Variants in ST6GALNAC2 observed in about 807,000 individuals in gnomAD.
The protein encoded by ST6GALNAC2 is ST6 N-acetylgalactosaminide alpha-2,6-sialyltransferase 2.
A neutral mutation model predicts 38.7 loss-of-function variants in ST6GALNAC2; 42 were observed. That is an observed-to-expected ratio of 1.09 (90% CI 0.85 to 1.40). The LOEUF (loss-of-function observed/expected upper bound fraction) is 1.40, where lower values mean the gene tolerates loss of function less well. ST6GALNAC2 is among the 40% of genes most tolerant of loss of function. The probability of loss-of-function intolerance (pLI) is 0.00; values close to 1 mark genes in which losing one functional copy is unlikely to be tolerated. For synonymous variants in ST6GALNAC2, 233 were observed against 209.0 expected (o/e 1.11, Z -0.99); for missense variants, 506 against 481.7 (o/e 1.05, Z -0.47).
At chr17:76,572,916 G>A (rs2075369512) in intron 4 of ST6GALNAC2, 141 bp from the exon 5 acceptor site, 15 of 1,093,862 alleles carry the variant, frequency 1.4e-5, no homozygotes, top group Non-Finnish European at 1.7e-5. Flanking sequence ...GTGCCCAGTT[G>A]TCAACCAGAC....
intron 7 of ST6GALNAC2, 121 bp from the exon 8 acceptor site, chr17:76,567,673 C>T: frequency 1.6e-6 from 1 of 614,114 alleles, no homozygotes; most frequent in Non-Finnish European, 3.0e-6. Flanking sequence ...CCAGTCAGTT[C>T]TTTATTCGGT....
chr17:76,568,695 A>G lies in ST6GALNAC2; in HGVS notation c.857+18T>C. 6.2e-7 allele frequency: 1 copy of G among 1,613,186 alleles called. No homozygotes were observed. Among genetic ancestry groups the G allele is most frequent in the Middle Eastern group, 1.7e-4 (1 of 6,060 alleles). ...GGGAAGGAAGGGGACGCTGTTCTTC[A>G]GGCACCCCACTCCGTACCTTTCTGT... On this transcript the variant is annotated intron_variant, in intron 7 of 8. Transcript: ENST00000225276.
intron 8 of ST6GALNAC2, among the ~76,000 whole-genome samples, chr17:76,566,524 C>T (rs2075285223): frequency 6.6e-6 from 1 of 152,010 alleles, no homozygotes; most frequent in Admixed American, 6.6e-5. Context: ...ACTACTCTCT[C>T]CATCCTAACT....
Position 76,585,704 on chromosome 17 carries a change from C to A in ST6GALNAC2, c.105G>T (p.Pro35=). The change falls in exon 1 of 9, where the codon CCG becomes CCT. Residue 35 remains proline, a synonymous_variant. Coordinates refer to ENST00000225276, the MANE Select transcript of ST6GALNAC2 (RefSeq NM_006456.3). ...CCTACCTGGCTCCGGCCGCTGGCCC[C>A]GGGTACCGCTGCACCGCCGAGAAGT... ...ALYFSAVQRY[P]GPAAGARDTT... is the part of the protein sequence containing the mutation. 2 of 1,529,656 alleles carry A rather than the reference C, an allele frequency of 1.3e-6. No individual in the cohort carries two copies. The highest frequency in any genetic ancestry group is 8.8e-7 in the Non-Finnish European group (1 of 1,141,892). 94.8% of individuals were successfully genotyped at this position (1,529,656 alleles called of 1,614,324 possible). A position where few individuals can be genotyped will look rare whatever the true frequency, so the allele number is the denominator to read the frequency against.
chr17:76,585,774 A>G lies in ST6GALNAC2; in HGVS notation c.35T>C (p.Leu12Pro). 1 of 1,555,268 alleles carries G rather than the reference A, an allele frequency of 6.4e-7. No individual in the cohort carries two copies. Among genetic ancestry groups the G allele is most frequent in the African/African-American group, 1.4e-5 (1 of 72,202 alleles). ...CGAGCAGGCAGCCGTGAGCAGGAGC[A>G]GCAGCCAGAAGAACGACCCGCGCGG... is the stretch of plus-strand genomic sequence containing the variant. ...GLPRGSFFWL[L>P]LLLTAACSGL... Residue 12 changes from leucine to proline, a missense_variant, in exon 1 of 9, where the codon CTG becomes CCG. By Grantham distance (98) the Leu-to-Pro change is moderately conservative (BLOSUM62 -3). Transcript: ENST00000225276.
chr17:76,566,192 A>G lies in ST6GALNAC2; in HGVS notation c.1037T>C (p.Ile346Thr), dbSNP rs962311527. 3 of 1,614,056 alleles carry G rather than the reference A, an allele frequency of 1.9e-6. No homozygotes were observed. Among genetic ancestry groups the G allele is most frequent in the African/African-American group, 2.7e-5 (2 of 74,940 alleles). The change falls in exon 9 of 9, where the codon ATA becomes ACA. Residue 346 changes from isoleucine to threonine, a missense_variant. Physicochemically the swap from Ile to Thr is moderately conservative, Grantham distance 89. Coordinates refer to ENST00000225276, the MANE Select transcript of ST6GALNAC2 (RefSeq NM_006456.3). Reference sequence around the variant, plus strand: ...GGACAGATCGTGGTTTGCATAAAATATCAATGGCTTCATTTTTCGTTCGAA... The same window carrying G: ...GGACAGATCGTGGTTTGCATAAAATGTCAATGGCTTCATTTTTCGTTCGAA... ...HYFERKMKPL[I>T]FYANHDLSLE... is the part of the protein sequence containing the mutation.
chr17:76,568,424 T>TGCTGCTGG, intron 7 of ST6GALNAC2: 1 of 394,956 alleles, frequency 2.5e-6, no homozygotes, highest in Non-Finnish European at 4.7e-6. Context: ...ACTGCTGCTG[T>TGCTGCTGG]GCACCTTATG....
intron 7 of ST6GALNAC2, 128 bp from the exon 8 acceptor site, chr17:76,567,680 C>T (rs1460103326): frequency 1.4e-5 from 9 of 639,952 alleles, no homozygotes; most frequent in African/African-American, 7.3e-5. Flanking sequence ...GTTCTTTATT[C>T]GGTCCAAGTG....
rs532532422 is a variant in ST6GALNAC2, at chr17:76,585,819, C to A, written c.-11G>T. ...GCGCGGGAGCCCCATACAGCCCCGG[C>A]CCGCGAGCGCCCCGTCCGCTGACGT... is the stretch of plus-strand genomic sequence containing the variant. On this transcript the variant is annotated 5_prime_UTR_variant, in exon 1 of 9. Coordinates refer to ENST00000225276, the MANE Select transcript of ST6GALNAC2 (RefSeq NM_006456.3). 1 of 1,531,206 alleles carries A rather than the reference C, an allele frequency of 6.5e-7. No individual in the cohort carries two copies. Among genetic ancestry groups the A allele is most frequent in the Non-Finnish European group, 8.8e-7 (1 of 1,141,784 alleles). 94.9% of individuals were successfully genotyped at this position (1,531,206 alleles called of 1,614,324 possible).
At chr17:76,576,675 C>CA (rs940051303) in intron 2 of ST6GALNAC2, among the ~76,000 whole-genome samples, 12 of 150,308 alleles carry the variant, frequency 8.0e-5, no homozygotes, top group South Asian at 2.1e-4. Flanking sequence ...CAAAACCACT[C>CA]AAAAAAAAAT....
intron 2 of ST6GALNAC2, among the ~76,000 whole-genome samples, chr17:76,576,860 C>T (rs984342988): frequency 7.3e-5 from 11 of 151,296 alleles, no homozygotes; most frequent in African/African-American, 1.2e-4. Flanking sequence ...ATTCCAGCTA[C>T]TTGGGGGGCT....
In ST6GALNAC2 at chr17:76,572,639, G is replaced by A. The variant is rs1205920895; in HGVS notation, c.667C>T (p.Gln223Ter). 4.3e-6 allele frequency: 7 copies of A among 1,613,920 alleles called. No homozygotes were observed. The South Asian group carries it at 7.7e-5, about 18-fold the overall frequency. ...NLGFTSVPQG[Q>*]DLQYIFIPSD... is the part of the protein sequence containing the mutation. The stretch of plus-strand genomic sequence containing the variant: ...GGCATGCCCGCCAGAGGCCTCACCT[G>A]TCCTTGTGGCACGGAGGTGAAGCCC... Residue 223 changes from glutamine (Q) to a stop codon, truncating the protein, a stop_gained and splice_region_variant, in exon 5 of 9, where the codon CAG (glutamine) becomes TAG (stop). Coordinates refer to ENST00000225276, the MANE Select transcript of ST6GALNAC2 (RefSeq NM_006456.3). LOFTEE classifies it high-confidence loss of function.
At chr17:76,582,316 G>A (rs1279895781) in intron 1 of ST6GALNAC2, among the ~76,000 whole-genome samples, 1 of 147,712 alleles carries the variant, frequency 6.8e-6, no homozygotes, top group East Asian at 2.0e-4. Context: ...TGGCTTACAG[G>A]CATGTGTCAC....
rs762978952 is a variant in ST6GALNAC2, at chr17:76,566,231, A to G, written c.998T>C (p.Phe333Ser). Residue 333 changes from phenylalanine (F) to serine (S), a missense_variant, in exon 9 of 9, where the codon TTT (phenylalanine) becomes TCT (serine). Coordinates refer to ENST00000225276, the MANE Select transcript of ST6GALNAC2 (RefSeq NM_006456.3). ...YGFITSNYWKFSDHYFERKMK... is the reference protein window; with the variant it reads ...YGFITSNYWKSSDHYFERKMK... ...TTTTCGTTCGAAATAGTGGTCGGAA[A>G]ATTTCCAGTAGTTGCTTGTGATGAA... is the stretch of plus-strand genomic sequence containing the variant. The G allele has an allele frequency of 1.9e-6, 3 of 1,614,116 alleles. No individual in the cohort carries two copies. The highest frequency in any genetic ancestry group is 1.7e-5 in the Admixed American group (1 of 60,018).
intron 1 of ST6GALNAC2, among the ~76,000 whole-genome samples, chr17:76,583,568 A>G (rs1434384509): frequency 6.6e-6 from 1 of 150,384 alleles, no homozygotes; most frequent in African/African-American, 2.4e-5. Context: ...GAGGCTGGGA[A>G]GTCCAAGGTC....
In ST6GALNAC2 at chr17:76,570,550, G is replaced by T; in HGVS notation, c.773+15C>A. 1 of 1,587,722 alleles carries T rather than the reference G, an allele frequency of 6.3e-7. No individual in the cohort carries two copies. The highest frequency in any genetic ancestry group is 8.6e-7 in the Non-Finnish European group (1 of 1,160,994). The stretch of plus-strand genomic sequence containing the variant: ...CCTCTGCCACGCCCCACACCACCAC[G>T]GCCTGGCTGCTCACCTGTCCCCTTT... On this transcript the variant is annotated intron_variant, in intron 6 of 8. Transcript: ENST00000225276.
rs1422216181 is a variant in ST6GALNAC2, at chr17:76,565,814, A to G, written c.*290T>C. 2 of 313,392 alleles carry G rather than the reference A, an allele frequency of 6.4e-6. No homozygotes were observed. Among genetic ancestry groups the G allele is most frequent in the Non-Finnish European group, 1.2e-5 (2 of 169,032 alleles). 19.4% of individuals were successfully genotyped at this position (313,392 alleles called of 1,614,324 possible). The stretch of plus-strand genomic sequence containing the variant: ...CTGGACTGCTGTCTGATCTTGCTGA[A>G]CACTCCACCGACATTTCCTAAAGTT... On this transcript the variant is annotated 3_prime_UTR_variant, in exon 9 of 9. Transcript: ENST00000225276.
chr17:76,574,240 G>C (rs1485746039), intron 3 of ST6GALNAC2, 125 bp downstream of exon 3: 14 of 1,139,382 alleles, frequency 1.2e-5, no homozygotes, highest in Non-Finnish European at 1.7e-5. Context: ...CTTCTGGGAG[G>C]AGAGAGGGGG....
In ST6GALNAC2 at chr17:76,573,171, C is replaced by T; in HGVS notation, c.530+24G>A. On this transcript the variant is annotated intron_variant, in intron 4 of 8. Coordinates refer to ENST00000225276, the MANE Select transcript of ST6GALNAC2 (RefSeq NM_006456.3). The surrounding 1 kb of genome is among the most constrained non-coding windows in gnomAD (Gnocchi z 5.1). Reference sequence around the variant, plus strand: ...CTCCAGGCAACTCTCCCTCCCGCCCCTCCCCAGCTCCTACCCCTCATACCT... The same window carrying T: ...CTCCAGGCAACTCTCCCTCCCGCCCTTCCCCAGCTCCTACCCCTCATACCT... The T allele has an allele frequency of 6.3e-7, 1 of 1,588,908 alleles. No individual in the cohort carries two copies. The highest frequency in any genetic ancestry group is 8.6e-7 in the Non-Finnish European group (1 of 1,165,302).
Sources: allele counts gnomAD v4.1 joint callset (sites outside exome capture counted in the v4.1 genomes callset), GRCh38; gene constraint gnomAD v4.1.1; non-coding constraint Gnocchi (gnomAD v3.1); transcripts MANE v1.5; gene names NCBI Gene and HGNC (gene_info 2026-07-23, HGNC 2026-07-21).